The following EVI5 variants were observed in gnomAD, a reference collection of about 807,000 sequenced individuals.
The protein encoded by EVI5 is ecotropic viral integration site 5, also known as ecotropic viral integration site 5 protein homolog.
Under a neutral mutation model 112.0 loss-of-function variants are expected in EVI5, and 73 were observed. The ratio of observed to expected loss-of-function variants is 0.65; its 90% CI spans 0.54 to 0.79. The LOEUF is 0.79. Among genes scored for constraint, EVI5 ranks in the 30% least tolerant of loss-of-function variants. EVI5 has a pLI of 0.00. For missense variants in EVI5, 900 were observed against 968.8 expected, an observed-to-expected ratio of 0.93 and a Z score of 0.94; for synonymous variants, 305 against 319.9, an observed-to-expected ratio of 0.95 and a Z score of 0.50.
intron 13 of EVI5, among the ~76,000 whole-genome samples, chr1:92,654,741 G>T (rs759338105): frequency 1.1e-4 from 16 of 152,008 alleles, no homozygotes; most frequent in Non-Finnish European, 2.1e-4. Context: ...AGCTCAATGA[G>T]ATCTAAGAGA....
intron 1 of EVI5, among the ~76,000 whole-genome samples, chr1:92,764,959 C>A (rs1489120945): frequency 6.6e-6 from 1 of 151,968 alleles, no homozygotes; most frequent in East Asian, 1.9e-4. Context: ...TTATACAAAC[C>A]CAGGACCTTT....
chr1:92,732,466 A>G, intron 2 of EVI5: 1 of 201,136 alleles, frequency 5.0e-6, no homozygotes, highest in Non-Finnish European at 1.0e-5. Flanking sequence ...ATGGAGATAT[A>G]TCACTGCCAC....
At chr1:92,556,053 T>TTTTC (rs1054098205) in intron 19 of EVI5, among the ~76,000 whole-genome samples, 6 of 151,724 alleles carry the variant, frequency 4.0e-5, no homozygotes, top group African/African-American at 1.2e-4. Flanking sequence ...TTAACCACTT[T>TTTTC]TTTCTTTCTT....
At chr1:92,543,474 T>G (rs1665169497) in intron 19 of EVI5, among the ~76,000 whole-genome samples, 1 of 152,212 alleles carries the variant, frequency 6.6e-6, no homozygotes, top group African/African-American at 2.4e-5. Flanking sequence ...TCACTCAAAC[T>G]TTCTCCATAT....
At chr1:92,737,159 T>C (rs1677580303) in intron 1 of EVI5, among the ~76,000 whole-genome samples, 1 of 152,168 alleles carries the variant, frequency 6.6e-6, no homozygotes, top group African/African-American at 2.4e-5. Context: ...GGCCCTTGAT[T>C]GATCTCTCTT....
At chr1:92,516,395 G>C (rs547668538) in intron 19 of EVI5, among the ~76,000 whole-genome samples, 4 of 152,230 alleles carry the variant, frequency 2.6e-5, no homozygotes, top group Admixed American at 1.3e-4. Flanking sequence ...TAGGTTGAAG[G>C]GTCATTTCCT....
chr1:92,713,986 T>C, intron 2 of EVI5: 8 of 971,020 alleles, frequency 8.2e-6, no homozygotes, highest in Non-Finnish European at 9.8e-6. Context: ...CCTATTATAC[T>C]TGAGACTTAC....
At chr1:92,649,985 C>A (rs925542562) in intron 13 of EVI5, among the ~76,000 whole-genome samples, 9 of 152,180 alleles carry the variant, frequency 5.9e-5, no homozygotes, top group African/African-American at 1.9e-4. Flanking sequence ...GGAAAACCAA[C>A]TGGCCATAGA....
rs202227436 is a variant in EVI5, at chr1:92,704,597, A to G, written c.297T>C (p.Asn99=). 8.8e-6 allele frequency: 14 copies of G among 1,590,802 alleles called. No homozygotes were observed. The highest frequency in any genetic ancestry group is 1.4e-5 in the African/African-American group (1 of 73,954). ...DSWILWGRIV[N]EWEDVRKKKE... is the part of the protein sequence containing the mutation. Reference sequence around the variant, plus strand: ...TCTTTTTGCGTACATCTTCCCATTCATTAACAATTCTTCCCCAAAGAATCC... The same window carrying G: ...TCTTTTTGCGTACATCTTCCCATTCGTTAACAATTCTTCCCCAAAGAATCC... Residue 99 remains asparagine (N), a synonymous_variant, in exon 3 of 20, where the codon AAT becomes AAC. Transcript: ENST00000684568.
intron 1 of EVI5, among the ~76,000 whole-genome samples, chr1:92,769,211 A>T (rs577649209): frequency 6.6e-6 from 1 of 152,320 alleles, no homozygotes; most frequent in Admixed American, 6.5e-5. Context: ...ACATGTTAAG[A>T]ACCCAAATAT....
chr1:92,790,621 A>G (rs955995623), intron 1 of EVI5, among the ~76,000 whole-genome samples: 2 of 151,992 alleles, frequency 1.3e-5, no homozygotes, highest in African/African-American at 4.8e-5. Context: ...AGGTACTCAA[A>G]TAAAAAGCTA....
At chr1:92,683,028 G>A (rs968971615) in intron 9 of EVI5, among the ~76,000 whole-genome samples, 6 of 152,078 alleles carry the variant, frequency 3.9e-5, no homozygotes, top group African/African-American at 1.2e-4. Flanking sequence ...ATTTATGGAC[G>A]TCTAATCTAG....
chr1:92,749,302 T>C, intron 1 of EVI5: 1 of 233,822 alleles, frequency 4.3e-6, no homozygotes, highest in South Asian at 5.7e-5. Context: ...GGTATAGAGC[T>C]CTCCTTACTT....
rs1659157851 is a variant in EVI5, at chr1:92,511,067, A to G, written c.*2589T>C. ...GTATCTACACTCACAGACTGTGTAG[A>G]GCTTGTAAGTGTTGATACTCATCTA... On this transcript the variant is annotated 3_prime_UTR_variant, in exon 20 of 20. Coordinates refer to ENST00000684568, the MANE Select transcript of EVI5 (RefSeq NM_001350197.2). 1 of 152,224 alleles carries G rather than the reference A, an allele frequency of 6.6e-6. No homozygotes were observed. Among genetic ancestry groups the G allele is most frequent in the South Asian group, 2.1e-4 (1 of 4,830 alleles). The allele number at this position is 152,224 out of a possible 1,614,324, so 9.4% of individuals were successfully genotyped here.
chr1:92,516,297 A>G (rs1194103272), intron 19 of EVI5, among the ~76,000 whole-genome samples: 2 of 152,236 alleles, frequency 1.3e-5, no homozygotes, highest in Non-Finnish European at 2.9e-5. Flanking sequence ...CTGTTTGGAA[A>G]GCTGCAGCTT....
intron 16 of EVI5, among the ~76,000 whole-genome samples, chr1:92,609,827 C>T (rs1163551487): frequency 6.6e-6 from 1 of 151,858 alleles, no homozygotes; most frequent in African/African-American, 2.4e-5. Context: ...TTTACTTTTA[C>T]TTGTCTTCCT....
At chr1:92,620,036 G>T (rs1654170754) in intron 16 of EVI5, among the ~76,000 whole-genome samples, 1 of 152,102 alleles carries the variant, frequency 6.6e-6, no homozygotes, top group Non-Finnish European at 1.5e-5. Context: ...AGCATGAGAA[G>T]AAATACTTGA....
intron 2 of EVI5, among the ~76,000 whole-genome samples, chr1:92,708,349 G>A (rs192281423): frequency 3.8e-4 from 58 of 152,040 alleles, no homozygotes; most frequent in African/African-American, 1.4e-3. Flanking sequence ...CAAAGAAAAC[G>A]GCCAATAAAT....
intron 1 of EVI5, among the ~76,000 whole-genome samples, chr1:92,751,516 T>C (rs1334137276): frequency 2.6e-5 from 4 of 152,222 alleles, no homozygotes; most frequent in African/African-American, 9.6e-5. Context: ...GGTATTCCTT[T>C]CACCTCACTT....
Sources: allele counts gnomAD v4.1 joint callset (sites outside exome capture counted in the v4.1 genomes callset), GRCh38; gene constraint gnomAD v4.1.1; transcripts MANE v1.5; gene names NCBI Gene and HGNC (gene_info 2026-07-23, HGNC 2026-07-21).